The following SORCS1 variants were observed in gnomAD, a reference collection of about 807,000 sequenced individuals.
The protein encoded by SORCS1 is VPS10 domain-containing receptor SorCS1.
SORCS1 carries 60 observed loss-of-function variants against 146.1 expected under a neutral mutation model. The observed-to-expected ratio is 0.41, with a 90% CI of 0.33 to 0.51. The LOEUF (loss-of-function observed/expected upper bound fraction) is 0.51. Ranked by LOEUF, SORCS1 falls within the 20% of genes least tolerant of loss-of-function variation. SORCS1 has a pLI of 0.21. For missense variants in SORCS1, 1,352 were observed against 1,487.6 expected, an observed-to-expected ratio of 0.91 and a Z score of 1.50; for synonymous variants, 637 against 584.0, an observed-to-expected ratio of 1.09 and a Z score of -1.31.
intron 1 of SORCS1, among the ~76,000 whole-genome samples, chr10:107,054,972 A>G (rs1397228801): frequency 6.6e-6 from 1 of 152,308 alleles, no homozygotes; most frequent in East Asian, 1.9e-4. Context: ...AACTTAGAAG[A>G]GCCCATCAGA....
chr10:106,653,790 G>A (rs1329165883), intron 17 of SORCS1, among the ~76,000 whole-genome samples: 1 of 152,156 alleles, frequency 6.6e-6, no homozygotes, highest in Non-Finnish European at 1.5e-5. Context: ...AATGTACACA[G>A]AGTACTTAAA....
intron 3 of SORCS1, among the ~76,000 whole-genome samples, chr10:106,801,755 C>T (rs989270812): frequency 2.0e-5 from 3 of 152,184 alleles, no homozygotes; most frequent in African/African-American, 7.2e-5. Context: ...CGGTCTCGAT[C>T]TCCTGACCTT....
intron 1 of SORCS1, among the ~76,000 whole-genome samples, chr10:107,020,504 G>T (rs1958082140): frequency 6.6e-6 from 1 of 152,202 alleles, no homozygotes; most frequent in Non-Finnish European, 1.5e-5. Context: ...GAGAAAATCT[G>T]CTTGATTTAG....
intron 2 of SORCS1, among the ~76,000 whole-genome samples, chr10:106,898,171 A>G (rs1322178158): frequency 1.3e-5 from 2 of 152,242 alleles, no homozygotes; most frequent in African/African-American, 4.8e-5. Flanking sequence ...TCCTGGTTCT[A>G]TATGGAAAGG....
intron 1 of SORCS1, among the ~76,000 whole-genome samples, chr10:107,051,062 A>T (rs1960061430): frequency 6.6e-6 from 1 of 151,880 alleles, no homozygotes; most frequent in Non-Finnish European, 1.5e-5. Context: ...ACAATTGAAC[A>T]CCTACAATGG....
intron 2 of SORCS1, among the ~76,000 whole-genome samples, chr10:106,921,551 A>C (rs1952712079): frequency 6.6e-6 from 1 of 152,208 alleles, no homozygotes; most frequent in Non-Finnish European, 1.5e-5. Flanking sequence ...CAGAATCATT[A>C]TATAATCATT....
At chr10:106,866,200 C>T (rs983272060) in intron 2 of SORCS1, among the ~76,000 whole-genome samples, 6 of 152,104 alleles carry the variant, frequency 3.9e-5, no homozygotes, top group African/African-American at 1.4e-4. Context: ...AGTGGAACTG[C>T]CCTTGCTACC....
At chr10:106,975,810 G>A (rs544143696) in intron 1 of SORCS1, among the ~76,000 whole-genome samples, 72 of 152,278 alleles carry the variant, frequency 4.7e-4, no homozygotes, top group African/African-American at 1.7e-3. Context: ...CACAATGAAT[G>A]TTCAGGCCCC....
At chr10:106,917,748 T>C (rs1042038555) in intron 2 of SORCS1, among the ~76,000 whole-genome samples, 1 of 152,234 alleles carries the variant, frequency 6.6e-6, no homozygotes, top group Non-Finnish European at 1.5e-5. Flanking sequence ...TGTTGATGAA[T>C]AGATTGCAAG....
Position 106,575,933 on chromosome 10 carries a change from C to T in SORCS1, c.*1487G>A, listed in dbSNP as rs975526501. 7.6e-4 allele frequency: 116 copies of T among 152,744 alleles called. No homozygotes were observed. The highest frequency in any genetic ancestry group is 1.9e-4 in the East Asian group (1 of 5,180). 9.5% of individuals were successfully genotyped at this position (152,744 alleles called of 1,614,324 possible). A position where few individuals can be genotyped will look rare whatever the true frequency, so the allele number is the denominator to read the frequency against. ...ACCGTCACAGGAGGAAATTGCCCTGCGAAATTGTCACACATTCAAAACATT... is the reference window on the plus strand; with the variant it reads ...ACCGTCACAGGAGGAAATTGCCCTGTGAAATTGTCACACATTCAAAACATT... On this transcript the variant is annotated 3_prime_UTR_variant, in exon 26 of 26. Coordinates refer to ENST00000263054, the MANE Select transcript of SORCS1 (RefSeq NM_052918.5).
At chr10:106,774,691 C>T (rs2136355665) in intron 4 of SORCS1, among the ~76,000 whole-genome samples, 1 of 152,186 alleles carries the variant, frequency 6.6e-6, no homozygotes, top group Admixed American at 6.5e-5. Flanking sequence ...TTTGAGCTAC[C>T]AATTTAATGT....
At chr10:107,092,218 A>C (rs891882200) in intron 1 of SORCS1, among the ~76,000 whole-genome samples, 2 of 152,222 alleles carry the variant, frequency 1.3e-5, no homozygotes, top group Non-Finnish European at 2.9e-5. Context: ...GAGCTTAGGA[A>C]AGAGAGAGAC....
Position 106,849,863 on chromosome 10 carries a change from C to A in SORCS1, c.627-20190G>T, listed in dbSNP as rs542349982. On this transcript the variant is annotated intron_variant, in intron 2 of 25. Coordinates refer to ENST00000263054, the MANE Select transcript of SORCS1 (RefSeq NM_052918.5). ...CCCTGCCCTGTGAGGTGTCAGTGTGCCCCTGCTGGTGGGTGCCTCCCAGTT... is the reference window on the plus strand; with the variant it reads ...CCCTGCCCTGTGAGGTGTCAGTGTGACCCTGCTGGTGGGTGCCTCCCAGTT... Among the ~76,000 whole-genome samples the A allele has an allele frequency of 1.5e-3, 229 of 152,170 alleles. 1 individual carries two copies. Among genetic ancestry groups the A allele is most frequent in the South Asian group, 2.9e-3 (14 of 4,804 alleles).
At position 106,900,276 on chromosome 10, in the gene SORCS1, C is replaced by T. The variant is rs1026694854; in HGVS notation, c.626+56237G>A. On this transcript the variant is annotated intron_variant, in intron 2 of 25. Coordinates refer to ENST00000263054, the MANE Select transcript of SORCS1 (RefSeq NM_052918.5). ...GCCCATGTCTCAGCCATTATATCCC[C>T]GGTACCTTTCCCTGTGTCTGGTAAC... 4.6e-5 allele frequency among the ~76,000 whole-genome samples: 7 copies of T among 152,088 alleles called. No homozygotes were observed. In the South Asian group the frequency reaches 6.2e-4, roughly 14 times the overall value.
intron 1 of SORCS1, among the ~76,000 whole-genome samples, chr10:107,117,569 C>T (rs549318652): frequency 1.3e-5 from 2 of 152,256 alleles, no homozygotes; most frequent in South Asian, 4.1e-4. Flanking sequence ...CCCTAGTGGG[C>T]CTAGAAGGTG....
chr10:106,764,379 GA>G (rs1332564481), intron 4 of SORCS1, among the ~76,000 whole-genome samples: 1 of 152,216 alleles, frequency 6.6e-6, no homozygotes, highest in African/African-American at 2.4e-5. Context: ...CCTCCACAAA[GA>G]AGGGAATGGT....
intron 1 of SORCS1, among the ~76,000 whole-genome samples, chr10:107,123,769 T>G (rs1590189182): frequency 6.6e-6 from 1 of 152,194 alleles, no homozygotes; most frequent in East Asian, 1.9e-4. Flanking sequence ...AAGCTTCAGT[T>G]ACTTCATTTG....
chr10:106,613,338 A>C (rs934556894), intron 21 of SORCS1, among the ~76,000 whole-genome samples: 12 of 152,162 alleles, frequency 7.9e-5, no homozygotes, highest in Non-Finnish European at 1.8e-4. Context: ...ACCACCGTGC[A>C]TGCATATAGG....
rs140035234 is a variant in SORCS1, at chr10:106,946,414, T to C, written c.626+10099A>G. 6.0e-3 allele frequency among the ~76,000 whole-genome samples: 912 copies of C among 152,308 alleles called. 12 individuals carry two copies. The highest frequency in any genetic ancestry group is 0.02 in the African/African-American group (830 of 41,570). On this transcript the variant is annotated intron_variant, in intron 2 of 25. Coordinates refer to ENST00000263054, the MANE Select transcript of SORCS1 (RefSeq NM_052918.5). ...AAGGGAAGGATTTGGTGGGAGGTAA[T>C]TGAATCATGGGAGCGGGTCTTCCCC...
Sources: allele counts gnomAD v4.1 joint callset (sites outside exome capture counted in the v4.1 genomes callset), GRCh38; gene constraint gnomAD v4.1.1; transcripts MANE v1.5; gene names NCBI Gene and HGNC (gene_info 2026-07-23, HGNC 2026-07-21).